ANKS1B: variants seen among roughly 807,000 people sequenced by gnomAD.
ANKS1B encodes the protein ankyrin repeat and sterile alpha motif domain-containing protein 1B.
In ANKS1B, 36 loss-of-function variants were observed where a neutral mutation model predicts 148.3. The ratio of observed to expected loss-of-function variants is 0.24; its 90% CI spans 0.19 to 0.32. The LOEUF (loss-of-function observed/expected upper bound fraction) is 0.32, where lower values mean the gene tolerates loss of function less well. Among genes scored for constraint, ANKS1B ranks in the 10% least tolerant of loss-of-function variants. The probability of loss-of-function intolerance (pLI) is 1.00; values close to 1 mark genes in which losing one functional copy is unlikely to be tolerated. For synonymous variants in ANKS1B, 542 were observed against 560.8 expected (o/e 0.97, Z 0.47); for missense variants, 1,157 against 1,542.6 (o/e 0.75, Z 4.19).
chr12:99,585,015 TC>T (rs1383740238), intron 9 of ANKS1B, among the ~76,000 whole-genome samples: 6 of 152,204 alleles, frequency 3.9e-5, no homozygotes, highest in Non-Finnish European at 8.8e-5. Context: ...TTCTCGCATT[TC>T]AAAACACAGT....
At chr12:98,781,614 C>T in intron 23 of ANKS1B, 1 of 363,620 alleles carries the variant, frequency 2.8e-6, no homozygotes, top group Non-Finnish European at 5.4e-6. Flanking sequence ...TTGACATTAA[C>T]AAAATATATG....
intron 11 of ANKS1B, among the ~76,000 whole-genome samples, chr12:99,424,638 CACACACACAT>C (rs147868367): frequency 0.01 from 1,570 of 151,780 alleles, 31 homozygotes; most frequent in African/African-American, 0.033. Flanking sequence ...CACACACACA[CACACACACAT>C]ACACACACAC....
At chr12:99,481,093 T>C (rs900876076) in intron 10 of ANKS1B, among the ~76,000 whole-genome samples, 2 of 151,742 alleles carry the variant, frequency 1.3e-5, no homozygotes, top group African/African-American at 4.8e-5. Flanking sequence ...ATGAATTATA[T>C]AGTGGTGAAT....
chr12:98,753,013 G>C (rs934570194), intron 25 of ANKS1B, among the ~76,000 whole-genome samples: 2 of 151,884 alleles, frequency 1.3e-5, no homozygotes, highest in Admixed American at 6.6e-5. Flanking sequence ...CTCCAACAGA[G>C]CCAATTCCCC....
chr12:98,843,556 T>G (rs991741576), intron 17 of ANKS1B, among the ~76,000 whole-genome samples: 2 of 152,214 alleles, frequency 1.3e-5, no homozygotes, highest in African/African-American at 4.8e-5. Flanking sequence ...TGTTCTGTTA[T>G]AGCAACACAA....
chr12:99,406,203 A>G lies in ANKS1B; in HGVS notation c.1576-6392T>C, dbSNP rs113980690. ...AGGTATCTACAGAACATTTCAATGAACAGTTACAGAATATACATTCTTCTC... is the reference window on the plus strand; with the variant it reads ...AGGTATCTACAGAACATTTCAATGAGCAGTTACAGAATATACATTCTTCTC... On this transcript the variant is annotated intron_variant, in intron 11 of 26. Coordinates refer to ENST00000683438, the MANE Select transcript of ANKS1B (RefSeq NM_001352186.2). Among the ~76,000 whole-genome samples, 1,374 of 145,724 alleles carry G rather than the reference A, an allele frequency of 9.4e-3. 132 individuals are homozygous for G. The highest frequency in any genetic ancestry group is 0.045 in the South Asian group (213 of 4,758).
intron 15 of ANKS1B, among the ~76,000 whole-genome samples, chr12:99,089,311 C>T (rs187011742): frequency 3.3e-5 from 5 of 152,068 alleles, no homozygotes; most frequent in Non-Finnish European, 7.4e-5. Flanking sequence ...TTTTCATCTC[C>T]CATTTTCCTC....
At chr12:99,904,195 C>CT (rs11299342) in intron 1 of ANKS1B, among the ~76,000 whole-genome samples, 97 of 145,102 alleles carry the variant, frequency 6.7e-4, no homozygotes, top group South Asian at 5.3e-3. Context: ...CCTAATAATT[C>CT]TTTTTTTTTT....
At chr12:99,362,850 G>A (rs2092563398) in intron 12 of ANKS1B, among the ~76,000 whole-genome samples, 1 of 151,946 alleles carries the variant, frequency 6.6e-6, no homozygotes, top group Non-Finnish European at 1.5e-5. Flanking sequence ...GGGTCTAGGA[G>A]CATGGAAATA....
intron 9 of ANKS1B, among the ~76,000 whole-genome samples, chr12:98,736,533 T>G (rs1394090583): frequency 6.6e-6 from 1 of 152,182 alleles, no homozygotes; most frequent in Admixed American, 6.5e-5. Context: ...GTAGGCGGGA[T>G]GCAAGGCTCT....
At chr12:98,918,089 T>C (rs568409742) in intron 17 of ANKS1B, among the ~76,000 whole-genome samples, 1 of 152,366 alleles carries the variant, frequency 6.6e-6, no homozygotes. Flanking sequence ...GCCAAGATGA[T>C]ACCTACCATG....
intron 14 of ANKS1B, among the ~76,000 whole-genome samples, chr12:99,206,799 A>G (rs548932723): frequency 6.6e-6 from 1 of 152,286 alleles, no homozygotes; most frequent in East Asian, 1.9e-4. Flanking sequence ...ATTGAACTAG[A>G]TCAGTCTCTG....
At chr12:99,518,692 G>A (rs1281217583) in intron 9 of ANKS1B, among the ~76,000 whole-genome samples, 1 of 151,854 alleles carries the variant, frequency 6.6e-6, no homozygotes, top group East Asian at 1.9e-4. Flanking sequence ...TTGTTTTACT[G>A]ATATCTTGTA....
intron 17 of ANKS1B, chr12:98,895,013 C>T (rs1389723714): frequency 6.2e-6 from 5 of 811,112 alleles, no homozygotes; most frequent in Non-Finnish European, 6.0e-6. Context: ...GGCGGCGCGT[C>T]CTCCCCCGAA....
chr12:98,836,509 C>T (rs1480371638), intron 17 of ANKS1B, among the ~76,000 whole-genome samples: 2 of 152,094 alleles, frequency 1.3e-5, no homozygotes, highest in East Asian at 1.9e-4. Context: ...AGAGAATATT[C>T]CAAAGAAAGA....
intron 14 of ANKS1B, among the ~76,000 whole-genome samples, chr12:99,218,401 T>C (rs1315969919): frequency 1.3e-5 from 2 of 152,202 alleles, no homozygotes; most frequent in African/African-American, 4.8e-5. Context: ...TATGAGATTC[T>C]TTGCTAAGTG....
intron 11 of ANKS1B, among the ~76,000 whole-genome samples, chr12:99,412,776 G>A (rs6538915): frequency 0.04 from 6,161 of 152,226 alleles, 430 homozygotes; most frequent in African/African-American, 0.14. Flanking sequence ...ATATTTCTCT[G>A]TCTTGATCAC....
At chr12:99,367,809 G>A (rs1398277903) in intron 12 of ANKS1B, among the ~76,000 whole-genome samples, 1 of 133,664 alleles carries the variant, frequency 7.5e-6, no homozygotes, top group Non-Finnish European at 1.6e-5. Flanking sequence ...TGTGTGTGTT[G>A]TAAAAAGAAA....
chr12:99,198,528 G>A (rs2153893901), intron 14 of ANKS1B, among the ~76,000 whole-genome samples: 1 of 152,252 alleles, frequency 6.6e-6, no homozygotes, highest in South Asian at 2.1e-4. Flanking sequence ...TTTTTATTAT[G>A]AGCAAATCTT....
Sources: allele counts gnomAD v4.1 joint callset (sites outside exome capture counted in the v4.1 genomes callset), GRCh38; gene constraint gnomAD v4.1.1; transcripts MANE v1.5; gene names NCBI Gene and HGNC (gene_info 2026-07-23, HGNC 2026-07-21).